Variants in HHLA1 observed in about 807,000 individuals in gnomAD.
HHLA1 encodes HERV-H LTR-associating protein 1.
Under a neutral mutation model 69.9 loss-of-function variants are expected in HHLA1, and 72 were observed. The ratio of observed to expected loss-of-function variants is 1.03; its 90% CI spans 0.85 to 1.25. HHLA1 has a LOEUF of 1.25. HHLA1 is among the 50% of genes most tolerant of loss of function. HHLA1 has a pLI of 0.00. For synonymous variants in HHLA1, 252 were observed against 233.2 expected (o/e 1.08, Z -0.73); for missense variants, 685 against 642.2 (o/e 1.07, Z -0.72).
chr8:132,082,872 T>A (rs1563744164), intron 10 of HHLA1, among the ~76,000 whole-genome samples: 1 of 151,894 alleles, frequency 6.6e-6, no homozygotes, highest in Non-Finnish European at 1.5e-5. Context: ...TTAGGACAGG[T>A]AAAATGAGGG....
At chr8:132,070,887 A>ACAACT (rs1355928066) in intron 15 of HHLA1, among the ~76,000 whole-genome samples, 1 of 151,698 alleles carries the variant, frequency 6.6e-6, no homozygotes, top group Non-Finnish European at 1.5e-5. Context: ...TCAACTCATT[A>ACAACT]CAACTCAACT....
chr8:132,092,429 C>T (rs2130892887), intron 7 of HHLA1, among the ~76,000 whole-genome samples: 1 of 152,254 alleles, frequency 6.6e-6, no homozygotes, highest in East Asian at 1.9e-4. Flanking sequence ...TGTCAAATTG[C>T]AATCCACAAT....
Position 132,063,897 on chromosome 8 carries a change from G to T in HHLA1, c.*98C>A. ...TTAACTGATGATCTAGCTGGAGCCT[G>T]GGTGAATTCTTCAAATGTAGCCCAC... On this transcript the variant is annotated 3_prime_UTR_variant, in exon 17 of 17. Coordinates refer to ENST00000414222, the MANE Select transcript of HHLA1 (RefSeq NM_001145095.3). The T allele has an allele frequency of 2.1e-6, 1 of 471,354 alleles. No individual in the cohort carries two copies. The allele number at this position is 471,354 out of a possible 1,614,324, so 29.2% of individuals were successfully genotyped here.
intron 12 of HHLA1, among the ~76,000 whole-genome samples, chr8:132,077,287 C>T (rs1586726151): frequency 1.3e-5 from 2 of 152,200 alleles, no homozygotes; most frequent in African/African-American, 4.8e-5. Context: ...ACACAAAGTG[C>T]ATACATAAAG....
intron 11 of HHLA1, among the ~76,000 whole-genome samples, chr8:132,078,508 A>G (rs1823685774): frequency 6.6e-6 from 1 of 152,114 alleles, no homozygotes; most frequent in Non-Finnish European, 1.5e-5. Context: ...GGCTCATGCT[A>G]TTTAATGGAG....
Position 132,095,758 on chromosome 8 carries a change from A to G in HHLA1, c.309T>C (p.Ser103=), listed in dbSNP as rs55906165. 113,802 of 1,550,524 alleles carry G rather than the reference A, an allele frequency of 0.073. 4,720 individuals are homozygous for G. Among genetic ancestry groups the G allele is most frequent in the Non-Finnish European group, 0.085 (97,640 of 1,146,150 alleles). The change falls in exon 6 of 17, where the codon AGT becomes AGC. Residue 103 remains serine (S), a synonymous_variant. Coordinates refer to ENST00000414222, the MANE Select transcript of HHLA1 (RefSeq NM_001145095.3). The part of the protein sequence containing the change: ...KDSKKFFSLL[S]VTSYSSFAFH... ...AGGCGAAGGAACTGTAGGAAGTGACACTCAGCAAGGAGAAGAACTTCTTGC... is the reference window on the plus strand; with the variant it reads ...AGGCGAAGGAACTGTAGGAAGTGACGCTCAGCAAGGAGAAGAACTTCTTGC...
intron 1 of HHLA1, among the ~76,000 whole-genome samples, chr8:132,106,798 G>A (rs1824208006): frequency 6.6e-6 from 1 of 152,204 alleles, no homozygotes; most frequent in Non-Finnish European, 1.5e-5. Context: ...GAGAGAGTGA[G>A]CACCTGGTGA....
chr8:132,092,480 G>C (rs962060062), intron 7 of HHLA1, among the ~76,000 whole-genome samples: 3 of 152,134 alleles, frequency 2.0e-5, no homozygotes, highest in Non-Finnish European at 4.4e-5. Flanking sequence ...GGATCATGGG[G>C]GCAGACTTCT....
chr8:132,082,523 T>C (rs1295492484), intron 10 of HHLA1, among the ~76,000 whole-genome samples: 1 of 152,058 alleles, frequency 6.6e-6, no homozygotes, highest in Non-Finnish European at 1.5e-5. Flanking sequence ...TGTGTTTTTA[T>C]GAGAATTATG....
At chr8:132,104,266 A>G in intron 2 of HHLA1, 99 bp from the exon 3 acceptor site, 1 of 805,744 alleles carries the variant, frequency 1.2e-6, no homozygotes, top group Non-Finnish European at 2.0e-6. Flanking sequence ...GAGAATTATG[A>G]TCTGGGGTTG....
chr8:132,080,961 A>C (rs948119734), intron 10 of HHLA1: 15 of 152,256 alleles, frequency 9.9e-5, no homozygotes, highest in African/African-American at 3.6e-4. Flanking sequence ...GAATTGAAAA[A>C]CTAAATGGAA....
chr8:132,065,124 TA>T (rs922679721), intron 16 of HHLA1, among the ~76,000 whole-genome samples: 109 of 151,892 alleles, frequency 7.2e-4, no homozygotes, highest in Non-Finnish European at 1.4e-3. Flanking sequence ...AAGTGAGAGA[TA>T]AAAAAAAGCT....
At chr8:132,076,422 C>CCCCCCCCCCCATCCCCCCCCCCCA in intron 13 of HHLA1, 53 bp downstream of exon 13, 1 of 664,360 alleles carries the variant, frequency 1.5e-6, no homozygotes. Flanking sequence ...CCAAGCTTCC[C>CCCCCCCCCCCATCCCCCCCCCCCA]ACCCCTCCCA....
chr8:132,076,608 C>T, intron 12 of HHLA1, 65 bp from the exon 13 acceptor site: 1 of 1,094,108 alleles, frequency 9.1e-7, no homozygotes, highest in Non-Finnish European at 1.3e-6. Flanking sequence ...GAGAAGATGA[C>T]CAGGGCCACC....
intron 15 of HHLA1, chr8:132,070,516 G>A (rs1015659483): frequency 3.2e-6 from 2 of 622,054 alleles, no homozygotes; most frequent in African/African-American, 3.7e-5. Context: ...CATGACACAA[G>A]TTAACTTAAC....
intron 14 of HHLA1, among the ~76,000 whole-genome samples, chr8:132,074,914 A>AAG (rs1344191297): frequency 6.6e-6 from 1 of 152,212 alleles, no homozygotes; most frequent in Non-Finnish European, 1.5e-5. Context: ...TAGAGCTAAC[A>AAG]AGAGAGACAG....
intron 10 of HHLA1, chr8:132,080,850 G>A (rs1425396332): frequency 6.6e-6 from 1 of 152,158 alleles, no homozygotes; most frequent in Non-Finnish European, 1.5e-5. Context: ...GAGAGATTAA[G>A]CTGAAGGGAG....
chr8:132,109,207 A>G (rs1169560055), intron 1 of HHLA1, among the ~76,000 whole-genome samples: 1 of 152,118 alleles, frequency 6.6e-6, no homozygotes, highest in South Asian at 2.1e-4. Flanking sequence ...GGGTTTCACC[A>G]TCTTGGCCAG....
chr8:132,063,608 G>A lies in HHLA1; in HGVS notation c.*387C>T, dbSNP rs1273336735. 6.5e-6 allele frequency: 1 copy of A among 154,638 alleles called. No individual in the cohort carries two copies. Among genetic ancestry groups the A allele is most frequent in the East Asian group, 1.9e-4 (1 of 5,354 alleles). The allele number at this position is 154,638 out of a possible 1,614,324, so 9.6% of individuals were successfully genotyped here. ...AAGTTTAAGTCACCTCAGGTATTGT[G>A]TCAGAGTCTCCATGGCTGAACTGGT... On this transcript the variant is annotated 3_prime_UTR_variant, in exon 17 of 17. Transcript: ENST00000414222.
Sources: gnomAD v4.1 joint callset for allele counts (sites outside exome capture counted in the v4.1 genomes callset) on GRCh38, gnomAD v4.1.1 for gene constraint, MANE v1.5 for transcripts, NCBI Gene and HGNC (gene_info 2026-07-23, HGNC 2026-07-21) for gene names.